C4orf50: variants seen among roughly 807,000 people sequenced by gnomAD.
The protein encoded by C4orf50 is chromosome 4 open reading frame 50.
C4orf50 carries 80 observed loss-of-function variants against 77.2 expected under a neutral mutation model. The observed-to-expected ratio is 1.04, with a 90% CI of 0.87 to 1.25. C4orf50 has a LOEUF of 1.25. Among genes scored for constraint, C4orf50 ranks in the 50% most tolerant of loss-of-function variants. The pLI, the probability that C4orf50 is intolerant of heterozygous loss-of-function variation, is 0.00. For missense variants in C4orf50, 1,257 were observed against 1,152.9 expected (o/e 1.09, Z -1.31); for synonymous variants, 532 against 465.3 (o/e 1.14, Z -1.84).
At chr4:6,002,802 A>T (rs1286279553) in intron 25 of C4orf50, among the ~76,000 whole-genome samples, 1 of 152,208 alleles carries the variant, frequency 6.6e-6, no homozygotes, top group Non-Finnish European at 1.5e-5. Flanking sequence ...TGGATATGAA[A>T]GGAAAGGCAG....
chr4:5,980,590 A>G (rs939131579), intron 28 of C4orf50, among the ~76,000 whole-genome samples: 1 of 152,094 alleles, frequency 6.6e-6, no homozygotes, highest in Non-Finnish European at 1.5e-5. Context: ...AGACACGTGC[A>G]TGTATAGGAG....
chr4:5,975,239 G>A (rs562050360), intron 30 of C4orf50, among the ~76,000 whole-genome samples: 5 of 150,496 alleles, frequency 3.3e-5, no homozygotes, highest in African/African-American at 1.2e-4. Flanking sequence ...GAAAGGAAGG[G>A]GCTTGAGCAC....
chr4:5,951,940 C>T (rs986440311), intron 7 of C4orf50, among the ~76,000 whole-genome samples: 12 of 152,138 alleles, frequency 7.9e-5, no homozygotes, highest in Admixed American at 7.9e-4. Flanking sequence ...GCCTTCCTAC[C>T]CCCTCTACTC....
intron 7 of C4orf50, among the ~76,000 whole-genome samples, chr4:5,921,157 G>A (rs1717252038): frequency 6.6e-6 from 1 of 152,228 alleles, no homozygotes; most frequent in Non-Finnish European, 1.5e-5. Flanking sequence ...CTTCCACGCT[G>A]AGGGAGGATC....
chr4:6,014,189 A>C (rs1329124816), intron 23 of C4orf50, among the ~76,000 whole-genome samples: 1 of 151,992 alleles, frequency 6.6e-6, no homozygotes, highest in Non-Finnish European at 1.5e-5. Flanking sequence ...TTTAGTAGAG[A>C]CAGGGTTTCT....
At chr4:6,003,379 T>C (rs113015480) in intron 25 of C4orf50, among the ~76,000 whole-genome samples, 2,645 of 152,222 alleles carry the variant, frequency 0.017, 58 homozygotes, top group African/African-American at 0.05. Context: ...TTACCCAACA[T>C]CCTACTAGAT....
chr4:5,941,419 A>G (rs114848980), intron 7 of C4orf50, among the ~76,000 whole-genome samples: 230 of 152,268 alleles, frequency 1.5e-3, no homozygotes, highest in African/African-American at 5.4e-3. Flanking sequence ...GCTACTCCTT[A>G]CATTGCTTCT....
At chr4:5,980,391 T>G in intron 28 of C4orf50, 53 bp from the exon 7 acceptor site, 1 of 1,545,624 alleles carries the variant, frequency 6.5e-7, no homozygotes, top group Non-Finnish European at 8.7e-7. Flanking sequence ...TCAAGCAATT[T>G]GCCTTAGCCA....
At chr4:5,984,425 G>T (rs1720754359) in intron 28 of C4orf50, among the ~76,000 whole-genome samples, 1 of 152,230 alleles carries the variant, frequency 6.6e-6, no homozygotes, top group Middle Eastern at 3.4e-3. Context: ...ACCCCTCAAG[G>T]TCTTCAAAAT....
chr4:5,993,833 A>AAAATAAAAAT (rs1222348971), intron 26 of C4orf50, among the ~76,000 whole-genome samples: 1 of 138,952 alleles, frequency 7.2e-6, no homozygotes, highest in Non-Finnish European at 1.5e-5. Context: ...ATAAAATAAA[A>AAAATAAAAAT]AAATAAAAAT....
At chr4:6,016,409 CG>C (rs1223024390) in intron 23 of C4orf50, among the ~76,000 whole-genome samples, 3 of 151,972 alleles carry the variant, frequency 2.0e-5, no homozygotes, top group Admixed American at 6.6e-5. Context: ...ACTAGCTAGG[CG>C]TGGTGATGGG....
chr4:5,935,233 G>A (rs185879863), intron 7 of C4orf50, among the ~76,000 whole-genome samples: 7 of 152,340 alleles, frequency 4.6e-5, no homozygotes, highest in African/African-American at 1.7e-4. Flanking sequence ...TGTAAACCAG[G>A]GGATGCAGTT....
rs758772645 is a variant in C4orf50 at position 5,980,164 on chromosome 4, C to T, written c.3864+10G>A. ...GGCTGACAAGAGGGGAAAGAAAGCA[C>T]TTCCCACACCTTGGCCTGGAGCTCC... is the stretch of plus-strand genomic sequence containing the variant. On this transcript the variant is annotated intron_variant, in intron 29 of 33. Transcript: ENST00000531445. 60 of 1,571,674 alleles carry T rather than the reference C, an allele frequency of 3.8e-5. No homozygotes were observed. The highest frequency in any genetic ancestry group is 5.2e-5 in the Non-Finnish European group (60 of 1,161,122).
chr4:6,004,261 G>T (rs796985098), intron 25 of C4orf50, among the ~76,000 whole-genome samples: 1 of 64,364 alleles, frequency 1.6e-5, no homozygotes, highest in Non-Finnish European at 3.2e-5. Flanking sequence ...TGGTGATGGT[G>T]ATGGTGGTGA....
chr4:5,990,106 C>A, exon 28 of C4orf50: 1 of 1,283,628 alleles, frequency 7.8e-7, no homozygotes, highest in Non-Finnish European at 9.8e-7. Flanking sequence ...TCCTTCCACC[C>A]TTTCCCTCCT....
chr4:5,910,085 C>T (rs928901924), intron 7 of C4orf50, among the ~76,000 whole-genome samples: 2 of 151,886 alleles, frequency 1.3e-5, no homozygotes, highest in East Asian at 1.9e-4. Context: ...ATCTGTAGAT[C>T]GCTTTGGGTA....
chr4:5,939,460 A>G (rs1718172516), intron 7 of C4orf50, among the ~76,000 whole-genome samples: 1 of 152,168 alleles, frequency 6.6e-6, no homozygotes, highest in South Asian at 2.1e-4. Context: ...TGAGGGCACC[A>G]TGGGGTCAAA....
intron 7 of C4orf50, among the ~76,000 whole-genome samples, chr4:5,948,534 C>T (rs1036559973): frequency 2.0e-5 from 3 of 152,158 alleles, no homozygotes; most frequent in East Asian, 1.9e-4. Context: ...TGGTGGCTCA[C>T]GCCTGTAATC....
At chr4:5,934,860 A>C (rs536385781) in intron 7 of C4orf50, among the ~76,000 whole-genome samples, 1 of 152,384 alleles carries the variant, frequency 6.6e-6, no homozygotes, top group South Asian at 2.1e-4. Flanking sequence ...CCTGAGATGC[A>C]GCCTGGTATA....
Sources: allele counts gnomAD v4.1 joint callset (sites outside exome capture counted in the v4.1 genomes callset), GRCh38; gene constraint gnomAD v4.1.1; transcripts MANE v1.5; gene names NCBI Gene and HGNC (gene_info 2026-07-23, HGNC 2026-07-21).